The following F5 variants were observed in gnomAD, a reference collection of about 807,000 sequenced individuals.
F5 encodes coagulation factor V, also known as activated protein c cofactor.
A neutral mutation model predicts 216.4 loss-of-function variants in F5; 138 were observed. That is an observed-to-expected ratio of 0.64 (90% confidence interval 0.56 to 0.73). The LOEUF (loss-of-function observed/expected upper bound fraction) is 0.73, where lower values mean the gene tolerates loss of function less well. F5 is among the 30% of genes least tolerant of loss of function. The pLI is 0.00. For missense variants in F5, 2,403 were observed against 2,674.0 expected (o/e 0.90, Z 2.24); for synonymous variants, 916 against 930.7 (o/e 0.98, Z 0.29).
rs1659038719 is a variant in F5, at chr1:169,512,066, A to G, written c.*2247T>C. On this transcript the variant is annotated 3_prime_UTR_variant, in exon 25 of 25. Transcript: ENST00000367797. ...CCCCAAACAAGTATTTTCCAGATCAATTAATAGTCATTATCAATTAATATT... is the reference window on the plus strand; with the variant it reads ...CCCCAAACAAGTATTTTCCAGATCAGTTAATAGTCATTATCAATTAATATT... 6.6e-6 allele frequency among the ~76,000 whole-genome samples: 1 copy of G among 152,096 alleles called. No individual in the cohort carries two copies. The highest frequency in any genetic ancestry group is 6.6e-5 in the Admixed American group (1 of 15,242).
chr1:169,544,189 A>G lies in F5; in HGVS notation c.1975+107T>C, dbSNP rs373664018. On this transcript the variant is annotated intron_variant, in intron 12 of 24. Coordinates refer to ENST00000367797, the MANE Select transcript of F5 (RefSeq NM_000130.5). The stretch of plus-strand genomic sequence containing the variant: ...TTGAAAGAAAAGCCTGCAGGGGGTC[A>G]GGGAGATACATAGAGGAGCACTGGT... 1.9e-5 allele frequency: 16 copies of G among 863,342 alleles called. No individual in the cohort carries two copies. In the African/African-American group the frequency reaches 2.0e-4, roughly 11 times the overall value. 53.5% of individuals were successfully genotyped at this position (863,342 alleles called of 1,614,324 possible).
At chr1:169,554,299 G>A (rs6427199) in intron 7 of F5, among the ~76,000 whole-genome samples, 68,629 of 151,934 alleles carry the variant, frequency 0.45, 16,059 homozygotes, top group East Asian at 0.67. Context: ...AGGCAGCTAT[G>A]TATACACGCT....
At chr1:169,543,243 C>T in intron 12 of F5, 129 bp from the exon 13 acceptor site, 1 of 787,218 alleles carries the variant, frequency 1.3e-6, no homozygotes, top group South Asian at 1.5e-5. Context: ...GGCTGTGGAC[C>T]ACTGCTTGTC....
chr1:169,528,772 A>T (rs554486153), intron 16 of F5, among the ~76,000 whole-genome samples: 7 of 152,314 alleles, frequency 4.6e-5, no homozygotes, highest in African/African-American at 1.7e-4. Flanking sequence ...CAAAACTGTA[A>T]AGATAAAGTT....
chr1:169,528,231 A>T lies in F5; in HGVS notation c.5420-137T>A, dbSNP rs950391070. On this transcript the variant is annotated intron_variant, in intron 16 of 24. Coordinates refer to ENST00000367797, the MANE Select transcript of F5 (RefSeq NM_000130.5). ...TTCCCAGGCCTACCTAGCCATGGAA[A>T]GGGCCCTCTTGTATGTCACATTAGT... 8.6e-6 allele frequency: 9 copies of T among 1,049,440 alleles called. No homozygotes were observed. The African/African-American group carries it at 9.4e-5, about 11-fold the overall frequency. 65.0% of individuals were successfully genotyped at this position (1,049,440 alleles called of 1,614,324 possible).
At chr1:169,551,162 T>G (rs940636713) in intron 8 of F5, among the ~76,000 whole-genome samples, 2 of 152,154 alleles carry the variant, frequency 1.3e-5, no homozygotes, top group South Asian at 2.1e-4. Context: ...TGAAGTCATC[T>G]TCTCAGCTAG....
chr1:169,561,386 C>T (rs1368239072), intron 3 of F5, among the ~76,000 whole-genome samples: 1 of 152,012 alleles, frequency 6.6e-6, no homozygotes, highest in South Asian at 2.1e-4. Flanking sequence ...TTACTTTGTA[C>T]TTTGTGCACC....
chr1:169,555,072 A>G, intron 7 of F5, 110 bp downstream of exon 7: 1 of 1,223,726 alleles, frequency 8.2e-7, no homozygotes, highest in South Asian at 1.2e-5. Context: ...ATAGAAACCA[A>G]TACATGTGTC....
Position 169,530,744 on chromosome 1 carries a change from G to A in F5, c.5208+42C>T, listed in dbSNP as rs376284794. 31 of 1,537,080 alleles carry A rather than the reference G, an allele frequency of 2.0e-5. No individual in the cohort carries two copies. The African/African-American group carries it at 2.6e-4, about 13-fold the overall frequency. Reference sequence around the variant, plus strand: ...TTCCATTTGGTGGACTTCAGATTACGAGGTTAGGGGAATGAGAAAAACTTT... The same window carrying A: ...TTCCATTTGGTGGACTTCAGATTACAAGGTTAGGGGAATGAGAAAAACTTT... On this transcript the variant is annotated intron_variant, in intron 15 of 24. Coordinates refer to ENST00000367797, the MANE Select transcript of F5 (RefSeq NM_000130.5).
chr1:169,530,899 C>T lies in F5; in HGVS notation c.5095G>A (p.Ala1699Thr), dbSNP rs1281908528. The T allele has an allele frequency of 6.2e-7, 1 of 1,613,948 alleles. No individual in the cohort carries two copies. The highest frequency in any genetic ancestry group is 1.7e-5 in the Admixed American group (1 of 60,000). Residue 1699 changes from alanine to threonine, a missense_variant, in exon 15 of 25, where the codon GCT becomes ACT. Around this residue, in one of 4 missense-constraint regions of F5, gnomAD observed 659 missense variants for 787.9 expected, o/e 0.84. Transcript: ENST00000367797. The part of the protein sequence containing the change: ...DSPEWFKEDN[A>T]VQPNSSYTYV... ...GTATAACTGCTATTTGGCTGAACAG[C>T]ATTATCTTCCTTAAACCATTCAGGA...
intron 22 of F5, 36 bp from the exon 23 acceptor site, chr1:169,518,599 C>T: frequency 6.2e-7 from 1 of 1,610,118 alleles, no homozygotes; most frequent in Non-Finnish European, 8.5e-7. Flanking sequence ...AATTACACAC[C>T]AATATTCCCT....
At chr1:169,517,391 T>C (rs574285003) in intron 23 of F5, among the ~76,000 whole-genome samples, 1 of 152,274 alleles carries the variant, frequency 6.6e-6, no homozygotes, top group East Asian at 1.9e-4. Context: ...GAATCCAATC[T>C]TTTCTATTTA....
At position 169,546,979 on chromosome 1, in the gene F5, A is replaced by AAAAAG. The variant is rs925428082; in HGVS notation, c.1612-392_1612-388dup. On this transcript the variant is annotated intron_variant, in intron 10 of 24. Transcript: ENST00000367797. The stretch of plus-strand genomic sequence containing the variant: ...ACCCGTCTCTACTAAAAAAAAAAAA[A>AAAAAG]AAAAGAAAAGAAAAGAAAAGAAAAG... 2.6e-4 allele frequency among the ~76,000 whole-genome samples: 20 copies of AAAAAG among 77,878 alleles called. No homozygotes were observed. In the East Asian group the frequency reaches 0.011, roughly 42 times the overall value. The allele number at this position is 77,878 out of a possible 152,430, so 51.1% of individuals were successfully genotyped here.
intron 7 of F5, 55 bp downstream of exon 7, chr1:169,555,127 C>T (rs1211864744): frequency 1.3e-6 from 2 of 1,595,972 alleles, no homozygotes; most frequent in African/African-American, 1.3e-5. Context: ...ACATCTAGGA[C>T]CCTATGGAAT....
chr1:169,522,411 C>T (rs1455988449), intron 21 of F5, among the ~76,000 whole-genome samples: 3 of 152,016 alleles, frequency 2.0e-5, no homozygotes, highest in East Asian at 3.9e-4. Context: ...TGAACATAGA[C>T]GACAAAATCT....
At chr1:169,560,453 G>T in intron 4 of F5, 101 bp downstream of exon 4, 1 of 1,116,612 alleles carries the variant, frequency 9.0e-7, no homozygotes, top group Non-Finnish European at 1.4e-6. Context: ...TCTGCTTGAT[G>T]TACAAGAAGT....
At position 169,524,872 on chromosome 1, in the gene F5, A is replaced by G; in HGVS notation, c.5753T>C (p.Ile1918Thr). The G allele has an allele frequency of 1.2e-6, 2 of 1,613,864 alleles. No individual in the cohort carries two copies. The highest frequency in any genetic ancestry group is 1.7e-6 in the Non-Finnish European group (2 of 1,179,788). ...RMPMGLSTGI[I>T]SDSQIKASEF... ...TGAAGCCTTGATCTGTGAATCAGAT[A>G]TGATACCAGTGCTTAGTCCCATTGG... is the stretch of plus-strand genomic sequence containing the variant. The change falls in exon 19 of 25, where the codon ATA becomes ACA. Residue 1918 changes from isoleucine (I) to threonine (T), a missense_variant. By Grantham distance (89) the Ile-to-Thr change is moderately conservative. Transcript: ENST00000367797.
chr1:169,540,653 A>G lies in F5; in HGVS notation c.4437T>C (p.Asn1479=), dbSNP rs1659811681. Residue 1479 remains asparagine (N), a synonymous_variant, in exon 13 of 25, where the codon AAT becomes AAC. Coordinates refer to ENST00000367797, the MANE Select transcript of F5 (RefSeq NM_000130.5). ...SSQSLLLQEF[N]ESFPYPDLGQ... ...CAAGGTCTGGATAAGGAAAAGACTC[A>G]TTAAATTCTTGAAGAAGCAATGACT... 2 of 1,614,084 alleles carry G rather than the reference A, an allele frequency of 1.2e-6. No individual in the cohort carries two copies. Among genetic ancestry groups the G allele is most frequent in the Non-Finnish European group, 1.7e-6 (2 of 1,179,968 alleles).
At chr1:169,526,159 A>G in intron 17 of F5, 142 bp from the exon 18 acceptor site, 1 of 626,226 alleles carries the variant, frequency 1.6e-6, no homozygotes, top group Non-Finnish European at 2.8e-6. Context: ...GTAGGACTGA[A>G]AGTATAACAG....
Sources: gnomAD v4.1 joint callset for allele counts (sites outside exome capture counted in the v4.1 genomes callset) on GRCh38, gnomAD v4.1.1 for gene constraint, gnomAD v4.1.1 regional missense constraint, MANE v1.5 for transcripts, NCBI Gene and HGNC (gene_info 2026-07-23, HGNC 2026-07-21) for gene names.